Variants in SYNPO2 observed in about 807,000 individuals in gnomAD.
SYNPO2 encodes synaptopodin 2.
SYNPO2 carries 56 observed loss-of-function variants against 85.0 expected under a neutral mutation model. The ratio of observed to expected loss-of-function variants is 0.66; its 90% CI spans 0.53 to 0.82. SYNPO2 has a LOEUF of 0.82. SYNPO2 is among the 40% of genes least tolerant of loss of function. The pLI, the probability that SYNPO2 is intolerant of heterozygous loss-of-function variation, is 0.00. For synonymous variants in SYNPO2, 602 were observed against 591.1 expected, an observed-to-expected ratio of 1.02 and a Z score of -0.27; for missense variants, 1,575 against 1,534.2, an observed-to-expected ratio of 1.03 and a Z score of -0.44.
chr4:118,989,410 G>C (rs1387436837), intron 1 of SYNPO2, among the ~76,000 whole-genome samples: 1 of 152,148 alleles, frequency 6.6e-6, no homozygotes, highest in Admixed American at 6.5e-5. Flanking sequence ...GACTCAAATT[G>C]GCATATGATT....
chr4:119,016,564 A>AT (rs1266303470), intron 1 of SYNPO2, among the ~76,000 whole-genome samples: 6 of 152,216 alleles, frequency 3.9e-5, no homozygotes, highest in African/African-American at 1.2e-4. Flanking sequence ...TTTAAAAAGT[A>AT]TTTTTTCATA....
intron 1 of SYNPO2, among the ~76,000 whole-genome samples, chr4:118,857,326 G>A (rs1731523878): frequency 6.6e-6 from 1 of 152,202 alleles, no homozygotes; most frequent in African/African-American, 2.4e-5. Context: ...ATCCAGCCAC[G>A]TACAGCAACA....
upstream of SYNPO2, among the ~76,000 whole-genome samples, chr4:118,886,271 G>A (rs2149111743): frequency 6.6e-6 from 1 of 152,202 alleles, no homozygotes; most frequent in South Asian, 2.1e-4. Flanking sequence ...TAAGTTCTGG[G>A]ATACATGTGC....
chr4:118,981,298 C>T (rs1032212851), intron 1 of SYNPO2, among the ~76,000 whole-genome samples: 1 of 152,166 alleles, frequency 6.6e-6, no homozygotes, highest in Non-Finnish European at 1.5e-5. Context: ...CTCATAAGCC[C>T]TGCACAGAAC....
At chr4:118,890,951 C>T (rs112335167) in intron 1 of SYNPO2, among the ~76,000 whole-genome samples, 31 of 152,146 alleles carry the variant, frequency 2.0e-4, no homozygotes, top group African/African-American at 6.7e-4. Context: ...GGCTCTTTGG[C>T]AGCCAGGCCT....
intron 1 of SYNPO2, among the ~76,000 whole-genome samples, chr4:118,900,806 C>G (rs1262465264): frequency 6.9e-6 from 1 of 144,266 alleles, no homozygotes; most frequent in Non-Finnish European, 1.5e-5. Context: ...TCAGTTCCTG[C>G]TAAAGCCAAG....
At chr4:118,979,831 A>G (rs1233827199) in intron 1 of SYNPO2, among the ~76,000 whole-genome samples, 1 of 152,228 alleles carries the variant, frequency 6.6e-6, no homozygotes, top group African/African-American at 2.4e-5. Flanking sequence ...ACATAAAAAC[A>G]CTAGGAGGTC....
intron 1 of SYNPO2, among the ~76,000 whole-genome samples, chr4:118,934,028 G>T (rs2149134494): frequency 6.6e-6 from 1 of 152,128 alleles, no homozygotes; most frequent in South Asian, 2.1e-4. Context: ...GATAAACTAG[G>T]ATTTACGTGA....
intron 1 of SYNPO2, among the ~76,000 whole-genome samples, chr4:118,966,544 A>T (rs975912209): frequency 2.6e-5 from 4 of 152,174 alleles, no homozygotes; most frequent in Admixed American, 2.0e-4. Flanking sequence ...TTTGGTCAAG[A>T]TCCTAAATTG....
intron 1 of SYNPO2, among the ~76,000 whole-genome samples, chr4:118,927,613 CT>C (rs1733756587): frequency 6.6e-6 from 1 of 152,116 alleles, no homozygotes; most frequent in East Asian, 1.9e-4. Context: ...AGTTTCAAAA[CT>C]TTGGAGAGTG....
At chr4:119,009,582 TTTTA>T (rs781095426) in intron 1 of SYNPO2, among the ~76,000 whole-genome samples, 13 of 152,098 alleles carry the variant, frequency 8.5e-5, no homozygotes, top group Admixed American at 3.9e-4. Flanking sequence ...TCCTAAAGTA[TTTTA>T]TAGAAAATAA....
chr4:119,042,270 C>G (rs79362799), intron 4 of SYNPO2: 1 of 151,918 alleles, frequency 6.6e-6, no homozygotes, highest in Non-Finnish European at 1.5e-5. Flanking sequence ...GGCCTTGAGA[C>G]GTGATTTTTA....
chr4:118,932,483 G>A (rs13138512), intron 1 of SYNPO2, among the ~76,000 whole-genome samples: 87,999 of 152,012 alleles, frequency 0.58, 26,541 homozygotes, highest in East Asian at 0.83. Context: ...ATCTTCTGCT[G>A]GTTATAAACT....
intron 1 of SYNPO2, among the ~76,000 whole-genome samples, chr4:118,989,097 A>T (rs1291075861): frequency 9.2e-5 from 14 of 152,222 alleles, no homozygotes; most frequent in Admixed American, 9.2e-4. Context: ...GGAACTAGGG[A>T]TCTTAACTGC....
chr4:119,054,246 A>C (rs1318802268), intron 4 of SYNPO2, among the ~76,000 whole-genome samples: 1 of 152,194 alleles, frequency 6.6e-6, no homozygotes, highest in Non-Finnish European at 1.5e-5. Context: ...GGAGCGTTAC[A>C]GTGCTCTCTT....
At chr4:118,873,194 G>A (rs572878257) in intron 1 of SYNPO2, among the ~76,000 whole-genome samples, 79 of 152,206 alleles carry the variant, frequency 5.2e-4, no homozygotes, top group African/African-American at 2.2e-4. Flanking sequence ...TAATAATTTC[G>A]TTTCCTTTGG....
chr4:118,949,791 A>G (rs1321032159), intron 1 of SYNPO2, among the ~76,000 whole-genome samples: 1 of 151,986 alleles, frequency 6.6e-6, no homozygotes, highest in Non-Finnish European at 1.5e-5. Flanking sequence ...ATTCTATTAC[A>G]TGTCAATCAC....
chr4:118,896,429 A>C (rs1253931707), intron 1 of SYNPO2, among the ~76,000 whole-genome samples: 2 of 152,218 alleles, frequency 1.3e-5, no homozygotes, highest in Non-Finnish European at 2.9e-5. Context: ...GAATGCAGTG[A>C]GGTTCTTATA....
chr4:118,998,865 C>T (rs1736719047), intron 1 of SYNPO2, among the ~76,000 whole-genome samples: 1 of 152,010 alleles, frequency 6.6e-6, no homozygotes, highest in Non-Finnish European at 1.5e-5. Flanking sequence ...TCCCTCCCTC[C>T]CTCTCTCTCT....
Sources: allele counts gnomAD v4.1 joint callset (sites outside exome capture counted in the v4.1 genomes callset), GRCh38; gene constraint gnomAD v4.1.1; transcripts MANE v1.5; gene names NCBI Gene and HGNC (gene_info 2026-07-23, HGNC 2026-07-21).